CFAP77: variants seen among roughly 807,000 people sequenced by gnomAD.
The protein encoded by CFAP77 is cilia- and flagella-associated protein 77.
A neutral mutation model predicts 31.1 loss-of-function variants in CFAP77; 25 were observed. The ratio of observed to expected loss-of-function variants is 0.80; its 90% CI spans 0.59 to 1.12. CFAP77 has a LOEUF of 1.12. Ranked by LOEUF, CFAP77 falls within the 50% of genes most tolerant of loss-of-function variation. The pLI is 0.00. For synonymous variants in CFAP77, 151 were observed against 159.9 expected, an observed-to-expected ratio of 0.94 and a Z score of 0.42; for missense variants, 377 against 397.3, an observed-to-expected ratio of 0.95 and a Z score of 0.44.
intron 1 of CFAP77, among the ~76,000 whole-genome samples, chr9:132,431,036 T>C (rs995990903): frequency 6.6e-6 from 1 of 152,292 alleles, no homozygotes; most frequent in East Asian, 1.9e-4. Flanking sequence ...AAGACAGAAT[T>C]GGAGCAACCA....
In CFAP77 at chr9:132,539,082, G is replaced by A. The variant is rs149602507; in HGVS notation, c.630+1376G>A. On this transcript the variant is annotated intron_variant, in intron 4 of 5. Transcript: ENST00000393216. The surrounding 1 kb of genome is among the most constrained non-coding windows in gnomAD (Gnocchi z 4.3). Reference sequence around the variant, plus strand: ...AGCCTGGGCAACAGAGCAAGACTCCGTCTCGATAAAAAAATAAATAAATAA... The same window carrying A: ...AGCCTGGGCAACAGAGCAAGACTCCATCTCGATAAAAAAATAAATAAATAA... Among the ~76,000 whole-genome samples the A allele has an allele frequency of 5.1e-4, 77 of 152,204 alleles. 1 individual carries two copies. Among genetic ancestry groups the A allele is most frequent in the African/African-American group, 1.8e-3 (74 of 41,530 alleles).
At chr9:132,519,543 GGTAGATGGATGA>G (rs1852219856) in intron 3 of CFAP77, among the ~76,000 whole-genome samples, 3 of 88,964 alleles carry the variant, frequency 3.4e-5, no homozygotes, top group Admixed American at 1.2e-4. Context: ...TGGATGGGTG[GGTAGATGGATGA>G]ATGGATGGAT....
chr9:132,560,791 C>T (rs932939353), intron 5 of CFAP77, among the ~76,000 whole-genome samples: 7 of 152,182 alleles, frequency 4.6e-5, no homozygotes, highest in Non-Finnish European at 1.5e-5. Context: ...GTCGCTGCTC[C>T]TCCCCATTCC....
At chr9:132,571,099 C>T (rs1179651551) in intron 5 of CFAP77, among the ~76,000 whole-genome samples, 2 of 152,150 alleles carry the variant, frequency 1.3e-5, no homozygotes, top group African/African-American at 4.8e-5. Context: ...ACCTGCAGCG[C>T]CGTGGGCTTA....
intron 5 of CFAP77, among the ~76,000 whole-genome samples, chr9:132,566,051 G>A (rs1168708082): frequency 6.6e-6 from 1 of 152,198 alleles, no homozygotes; most frequent in Non-Finnish European, 1.5e-5. Flanking sequence ...CATCTCAGAA[G>A]GAATTCCTTG....
intron 3 of CFAP77, among the ~76,000 whole-genome samples, chr9:132,518,186 G>A (rs549211410): frequency 1.3e-5 from 2 of 152,214 alleles, no homozygotes; most frequent in East Asian, 1.9e-4. Context: ...CTCACAGCCC[G>A]AGTGTGAGGG....
At chr9:132,486,629 G>A (rs1259471931) in intron 1 of CFAP77, among the ~76,000 whole-genome samples, 3 of 152,252 alleles carry the variant, frequency 2.0e-5, no homozygotes, top group African/African-American at 7.2e-5. Flanking sequence ...TCAAAACGCT[G>A]CGCGTTTCCC....
intron 5 of CFAP77, among the ~76,000 whole-genome samples, chr9:132,561,949 C>A (rs1233604260): frequency 6.6e-6 from 1 of 152,088 alleles, no homozygotes; most frequent in Non-Finnish European, 1.5e-5. Flanking sequence ...GGAGGAACGG[C>A]CAATGCCTCA....
At chr9:132,484,951 C>T (rs1012967216) in intron 1 of CFAP77, among the ~76,000 whole-genome samples, 1 of 151,668 alleles carries the variant, frequency 6.6e-6, no homozygotes, top group African/African-American at 2.4e-5. Flanking sequence ...TGGGTTCAAG[C>T]GATTCTCCCG....
At chr9:132,473,319 G>A (rs1851291761) in intron 1 of CFAP77, among the ~76,000 whole-genome samples, 1 of 152,182 alleles carries the variant, frequency 6.6e-6, no homozygotes, top group African/African-American at 2.4e-5. Flanking sequence ...GGGCACTGTG[G>A]TATGGGTGCC....
At chr9:132,474,328 C>T (rs1851311433) in intron 1 of CFAP77, among the ~76,000 whole-genome samples, 1 of 152,156 alleles carries the variant, frequency 6.6e-6, no homozygotes, top group African/African-American at 2.4e-5. Context: ...CGCCTCGGGA[C>T]ATCATTCATT....
At chr9:132,434,665 T>C (rs1200617323) in intron 1 of CFAP77, among the ~76,000 whole-genome samples, 1 of 152,160 alleles carries the variant, frequency 6.6e-6, no homozygotes, top group East Asian at 1.9e-4. Flanking sequence ...TGCGTACAAC[T>C]TTGTGTAATT....
intron 1 of CFAP77, chr9:132,482,433 G>A: frequency 6.3e-6 from 10 of 1,595,560 alleles, no homozygotes; most frequent in Non-Finnish European, 8.6e-6. Context: ...TCTTCCTTCT[G>A]CTAAAATAAT....
intron 4 of CFAP77, among the ~76,000 whole-genome samples, chr9:132,538,928 A>C (rs1452078541): frequency 6.6e-6 from 1 of 151,938 alleles, no homozygotes; most frequent in Non-Finnish European, 1.5e-5. Flanking sequence ...TCTACTAAAA[A>C]TACAAAAAAT....
At chr9:132,444,760 T>A (rs548105989) in intron 1 of CFAP77, among the ~76,000 whole-genome samples, 7 of 152,326 alleles carry the variant, frequency 4.6e-5, no homozygotes, top group African/African-American at 1.7e-4. Context: ...AAAATATGCG[T>A]GACCTAAAAT....
intron 3 of CFAP77, among the ~76,000 whole-genome samples, chr9:132,523,013 C>T (rs1242931555): frequency 2.0e-5 from 3 of 152,036 alleles, no homozygotes; most frequent in African/African-American, 7.3e-5. Context: ...GAAAGTCTTC[C>T]TTACCCCATC....
intron 3 of CFAP77, among the ~76,000 whole-genome samples, chr9:132,513,747 C>T (rs568807964): frequency 5.3e-5 from 8 of 152,320 alleles, no homozygotes; most frequent in African/African-American, 1.4e-4. Flanking sequence ...TGCCCCTGTG[C>T]GAGGGTCCTC....
intron 3 of CFAP77, among the ~76,000 whole-genome samples, chr9:132,529,330 G>A (rs1430274046): frequency 8.1e-6 from 1 of 123,358 alleles, no homozygotes; most frequent in Non-Finnish European, 1.7e-5. Context: ...ACACAGGAAG[G>A]GGAATATCAC....
chr9:132,433,795 G>C (rs1345881783), intron 1 of CFAP77, among the ~76,000 whole-genome samples: 25 of 150,422 alleles, frequency 1.7e-4, no homozygotes, highest in Admixed American at 1.7e-3. Flanking sequence ...TGATCCACCC[G>C]CCTCGGCCTC....
Sources: gnomAD v4.1 joint callset for allele counts (sites outside exome capture counted in the v4.1 genomes callset) on GRCh38, gnomAD v4.1.1 for gene constraint, Gnocchi (gnomAD v3.1) non-coding constraint, MANE v1.5 for transcripts, NCBI Gene and HGNC (gene_info 2026-07-23, HGNC 2026-07-21) for gene names.